CASD1: variants seen among roughly 807,000 people sequenced by gnomAD.
CASD1 encodes CAS1 domain sialic acid O acetyltransferase 1, also known as N-acetylneuraminate (7)9-O-acetyltransferase.
In CASD1, 41 loss-of-function variants were observed where a neutral mutation model predicts 100.0. That is an observed-to-expected ratio of 0.41 (90% CI 0.32 to 0.53). The LOEUF (loss-of-function observed/expected upper bound fraction) is 0.53, where lower values mean the gene tolerates loss of function less well. CASD1 is among the 20% of genes least tolerant of loss of function. The pLI, the probability that CASD1 is intolerant of heterozygous loss-of-function variation, is 0.25. For missense variants in CASD1, 774 were observed against 948.7 expected (o/e 0.82, Z 2.42); for synonymous variants, 321 against 315.6 (o/e 1.02, Z -0.18).
chr7:94,570,205 A>AT, the CASD1 span, among the ~76,000 whole-genome samples: 5 of 151,980 alleles, frequency 3.3e-5, no homozygotes, highest in Non-Finnish European at 7.4e-5. Context: ...CTGTCTTATT[A>AT]TTTTTTTGTC....
At chr7:94,527,001 G>A (rs945264663) in intron 3 of CASD1, among the ~76,000 whole-genome samples, 161 bp from the exon 4 acceptor site, 17 of 152,188 alleles carry the variant, frequency 1.1e-4, no homozygotes, top group African/African-American at 4.1e-4. Flanking sequence ...TTCTATGTCG[G>A]TTTTTTCCCT....
In CASD1 at chr7:94,555,995, G is replaced by A; in HGVS notation, c.*237G>A. 2.7e-6 allele frequency: 1 copy of A among 368,060 alleles called. No individual in the cohort carries two copies. 22.8% of individuals were successfully genotyped at this position (368,060 alleles called of 1,614,324 possible). On this transcript the variant is annotated 3_prime_UTR_variant, in exon 18 of 18. Coordinates refer to ENST00000297273, the MANE Select transcript of CASD1 (RefSeq NM_022900.5). ...AAACCAGAATGCATTGTATAGGATT[G>A]CATGTGAAGTCTTTTCTACTGAATC...
At chr7:94,598,648 T>C in the CASD1 span, 1 of 775,998 alleles carries the variant, frequency 1.3e-6, no homozygotes, top group Non-Finnish European at 2.3e-6. Flanking sequence ...ATTTACACAA[T>C]GTCCTTTTGT....
At chr7:94,528,950 G>A (rs1238889921) in intron 5 of CASD1, among the ~76,000 whole-genome samples, 1 of 151,750 alleles carries the variant, frequency 6.6e-6, no homozygotes, top group African/African-American at 2.4e-5. Flanking sequence ...TTTTGGTTTG[G>A]GATTTTTTTT....
the CASD1 span, chr7:94,599,672 AAAT>A: frequency 2.5e-6 from 4 of 1,605,988 alleles, no homozygotes; most frequent in East Asian, 8.9e-5. Context: ...ATGATGAAGA[AAAT>A]AACAGGAAAG....
At chr7:94,611,477 C>G in the CASD1 span, among the ~76,000 whole-genome samples, 10 of 120,318 alleles carry the variant, frequency 8.3e-5, no homozygotes, top group Non-Finnish European at 1.6e-4. Context: ...TAGTGGCTGC[C>G]TAGGGGTAGG....
intron 5 of CASD1, 24 bp from the exon 6 acceptor site, chr7:94,533,181 T>C (rs1794934518): frequency 3.2e-6 from 5 of 1,580,592 alleles, no homozygotes; most frequent in Non-Finnish European, 1.7e-6. Context: ...TATAATACTA[T>C]GATAAAGATT....
At chr7:94,547,388 C>T (rs1233562334) in intron 13 of CASD1, among the ~76,000 whole-genome samples, 2 of 151,812 alleles carry the variant, frequency 1.3e-5, no homozygotes, top group Non-Finnish European at 3.0e-5. Context: ...AGTTAAAGCT[C>T]TTCCTCTGGC....
At position 94,555,485 on chromosome 7, in the gene CASD1, C is replaced by G. The variant is rs1342974291; in HGVS notation, c.2128-7C>G. Reference sequence around the variant, plus strand: ...TAAATATCTGACTTAAATATTTTTTCTCCTAGCTATTTATTTGCCAGTATC... The same window carrying G: ...TAAATATCTGACTTAAATATTTTTTGTCCTAGCTATTTATTTGCCAGTATC... On this transcript the variant is annotated splice_region_variant and splice_polypyrimidine_tract_variant and intron_variant, in intron 17 of 17. Transcript: ENST00000297273. 1 of 1,607,010 alleles carries G rather than the reference C, an allele frequency of 6.2e-7. No homozygotes were observed. Among genetic ancestry groups the G allele is most frequent in the African/African-American group, 1.3e-5 (1 of 74,504 alleles).
chr7:94,591,549 C>A, the CASD1 span, among the ~76,000 whole-genome samples: 1 of 152,254 alleles, frequency 6.6e-6, no homozygotes, highest in South Asian at 2.1e-4. Flanking sequence ...TAAACAAAGA[C>A]ACATGTTTTC....
the CASD1 span, chr7:94,624,162 CAAAA>C: frequency 2.8e-5 from 10 of 351,478 alleles, no homozygotes; most frequent in Admixed American, 1.0e-4. Flanking sequence ...TGCAGTACCT[CAAAA>C]AAAAAAAAAA....
chr7:94,599,041 T>C, the CASD1 span: 4 of 1,050,784 alleles, frequency 3.8e-6, no homozygotes, highest in South Asian at 1.4e-5. Flanking sequence ...GAAAAACTTA[T>C]GAAGTATTTT....
chr7:94,552,706 G>T (rs1370053115), intron 16 of CASD1, among the ~76,000 whole-genome samples: 2 of 152,180 alleles, frequency 1.3e-5, no homozygotes, highest in African/African-American at 4.8e-5. Context: ...GGAGGCTAAG[G>T]CCAGTGGATC....
chr7:94,593,280 T>G, the CASD1 span, among the ~76,000 whole-genome samples: 2 of 152,022 alleles, frequency 1.3e-5, no homozygotes, highest in African/African-American at 4.8e-5. Flanking sequence ...GGAATTATGT[T>G]TAGAATAATG....
the CASD1 span, among the ~76,000 whole-genome samples, chr7:94,613,194 T>C: frequency 6.6e-6 from 1 of 152,216 alleles, no homozygotes; most frequent in Non-Finnish European, 1.5e-5. Flanking sequence ...TTTTAAAAAG[T>C]ATATTTATGG....
chr7:94,537,353 A>C (rs1440579558), intron 8 of CASD1, 119 bp from the exon 9 acceptor site: 1 of 862,186 alleles, frequency 1.2e-6, no homozygotes, highest in Admixed American at 2.4e-5. Flanking sequence ...AAATGGTAGC[A>C]AAAGATACGA....
At chr7:94,542,014 A>G (rs1795427724) in intron 10 of CASD1, among the ~76,000 whole-genome samples, 2 of 152,180 alleles carry the variant, frequency 1.3e-5, no homozygotes, top group Non-Finnish European at 2.9e-5. Flanking sequence ...GAAAGTTGCA[A>G]TAGGCCAACA....
chr7:94,609,404 A>G, the CASD1 span, among the ~76,000 whole-genome samples: 1 of 152,162 alleles, frequency 6.6e-6, no homozygotes, highest in Non-Finnish European at 1.5e-5. Flanking sequence ...GCATGCTTCT[A>G]TAGTCCCAGC....
chr7:94,562,723 G>C, the CASD1 span, among the ~76,000 whole-genome samples: 2 of 151,542 alleles, frequency 1.3e-5, no homozygotes, highest in Non-Finnish European at 2.9e-5. Flanking sequence ...TTGCTGCTCT[G>C]TGGACCAGAT....
Sources: allele counts gnomAD v4.1 joint callset (sites outside exome capture counted in the v4.1 genomes callset), GRCh38; gene constraint gnomAD v4.1.1; transcripts MANE v1.5; gene names NCBI Gene and HGNC (gene_info 2026-07-23, HGNC 2026-07-21).